Variants in KHDC4 observed in about 807,000 individuals in gnomAD.
KHDC4 encodes KH homology domain-containing protein 4.
Under a neutral mutation model 74.5 loss-of-function variants are expected in KHDC4, and 19 were observed. The observed-to-expected ratio is 0.26, with a 90% confidence interval of 0.18 to 0.37. The LOEUF is 0.37. Among genes scored for constraint, KHDC4 ranks in the 10% least tolerant of loss-of-function variants. The pLI is 1.00. For synonymous variants in KHDC4, 253 were observed against 266.1 expected, an observed-to-expected ratio of 0.95 and a Z score of 0.48; for missense variants, 632 against 754.1, an observed-to-expected ratio of 0.84 and a Z score of 1.90.
At chr1:155,927,265 A>C in intron 4 of KHDC4, 109 bp from the exon 5 acceptor site, 1 of 809,610 alleles carries the variant, frequency 1.2e-6, no homozygotes, top group Non-Finnish European at 2.1e-6. Flanking sequence ...AAATAACCAA[A>C]AGGGACTATA....
intron 2 of KHDC4, among the ~76,000 whole-genome samples, chr1:155,931,638 T>C (rs1674144538): frequency 6.6e-6 from 1 of 152,216 alleles, no homozygotes; most frequent in South Asian, 2.1e-4. Flanking sequence ...TTGCCCAGGC[T>C]GTTCTTGAAC....
At chr1:155,929,175 C>G (rs569776608) in intron 4 of KHDC4, 121 bp downstream of exon 4, 1 of 713,794 alleles carries the variant, frequency 1.4e-6, no homozygotes, top group East Asian at 2.5e-5. Context: ...AGTGTGCACA[C>G]ACATACCCCT....
Position 155,927,834 on chromosome 1 carries a change from ACACACACACACAC to A in KHDC4, c.465-691_465-679del, listed in dbSNP as rs1557970684. Among the ~76,000 whole-genome samples, 35 of 10,268 alleles carry A rather than the reference ACACACACACACAC, an allele frequency of 3.4e-3. 1 individual carries two copies. Among genetic ancestry groups the A allele is most frequent in the African/African-American group, 7.2e-3 (34 of 4,706 alleles). 6.7% of individuals were successfully genotyped at this position (10,268 alleles called of 152,430 possible). A position where few individuals can be genotyped will look rare whatever the true frequency, so the allele number is the denominator to read the frequency against. The stretch of plus-strand genomic sequence containing the variant: ...AAAAAAAAAAAAAAAAAAAAAAACC[ACACACACACACAC>A]ACACACACACACACACACACACACA... On this transcript the variant is annotated intron_variant, in intron 4 of 13. Transcript: ENST00000368321.
intron 10 of KHDC4, among the ~76,000 whole-genome samples, chr1:155,918,754 G>C (rs763915822): frequency 3.3e-5 from 5 of 152,132 alleles, no homozygotes; most frequent in Admixed American, 2.6e-4. Context: ...TGACTAAAAC[G>C]TTGTAAGGTG....
intron 7 of KHDC4, among the ~76,000 whole-genome samples, chr1:155,924,133 C>T (rs553024615): frequency 1.1e-4 from 16 of 152,122 alleles, no homozygotes; most frequent in Admixed American, 2.6e-4. Context: ...CTGGCTAACA[C>T]GGTGAAACCC....
rs199711249 is a variant in KHDC4 at position 155,927,832 on chromosome 1, CCACA to C, written c.465-680_465-677del. Among the ~76,000 whole-genome samples the C allele has an allele frequency of 8.5e-3, 777 of 90,916 alleles. 16 individuals are homozygous for C. The highest frequency in any genetic ancestry group is 0.027 in the African/African-American group (526 of 19,214). The allele number at this position is 90,916 out of a possible 152,430, so 59.6% of individuals were successfully genotyped here. On this transcript the variant is annotated intron_variant, in intron 4 of 13. Transcript: ENST00000368321. ...AAAAAAAAAAAAAAAAAAAAAAAAA[CCACA>C]CACACACACACACACACACACACAC...
chr1:155,920,814 A>G (rs188683461), intron 10 of KHDC4, among the ~76,000 whole-genome samples: 52 of 152,298 alleles, frequency 3.4e-4, no homozygotes, highest in African/African-American at 1.1e-3. Flanking sequence ...GTTTCCTTCT[A>G]AGATTTGAAA....
At position 155,916,686 on chromosome 1, in the gene KHDC4, C is replaced by T. The variant is rs1673739152; in HGVS notation, c.1492G>A (p.Glu498Lys). Residue 498 changes from glutamate to lysine, a missense_variant, in exon 12 of 14, where the codon GAG (glutamate) becomes AAG (lysine). Glu to Lys is a moderately conservative substitution (Grantham distance 56, BLOSUM62 1). Transcript: ENST00000368321. Reference protein sequence around the residue: ...NLGTGFSSQNEIEGAGSKPAS... With the variant: ...NLGTGFSSQNKIEGAGSKPAS... ...GGCTTCGATCCTGCACCTTCAATCTCATTCTGACTGGAGAAGCCTGTACCT... is the reference window on the plus strand; with the variant it reads ...GGCTTCGATCCTGCACCTTCAATCTTATTCTGACTGGAGAAGCCTGTACCT... 3 of 1,614,048 alleles carry T rather than the reference C, an allele frequency of 1.9e-6. No individual in the cohort carries two copies. The highest frequency in any genetic ancestry group is 2.2e-5 in the East Asian group (1 of 44,864).
intron 4 of KHDC4, among the ~76,000 whole-genome samples, chr1:155,927,875 A>ACACACACACACACACACAC (rs1557970782): frequency 1.4e-5 from 1 of 71,622 alleles, no homozygotes; most frequent in African/African-American, 5.2e-5. Flanking sequence ...CACACACACA[A>ACACACACACACACACACAC]AATTAATGGG....
At chr1:155,916,298 A>C (rs1441418889) in intron 12 of KHDC4, among the ~76,000 whole-genome samples, 2 of 152,202 alleles carry the variant, frequency 1.3e-5, no homozygotes, top group Non-Finnish European at 2.9e-5. Context: ...TATTCTAATG[A>C]CTCTAAAGTA....
rs1226789988 is a variant in KHDC4 at position 155,925,652 on chromosome 1, T to C, written c.873A>G (p.Glu291=). ...IEPASGREAF[E]PMYIYISHPK... ...CATACCTGATGTAAATATACATAGG[T>C]TCAAAAGCTTCTCGGCCAGATGCTG... The change falls in exon 7 of 14, where the codon GAA becomes GAG. Residue 291 remains glutamate (E), a synonymous_variant. Coordinates refer to ENST00000368321, the MANE Select transcript of KHDC4 (RefSeq NM_014949.4). The C allele has an allele frequency of 6.2e-7, 1 of 1,613,980 alleles. No individual in the cohort carries two copies. Among genetic ancestry groups the C allele is most frequent in the Non-Finnish European group, 8.5e-7 (1 of 1,180,008 alleles).
intron 7 of KHDC4, among the ~76,000 whole-genome samples, chr1:155,924,654 A>C (rs557101575): frequency 6.7e-6 from 1 of 148,954 alleles, no homozygotes; most frequent in Admixed American, 6.7e-5. Context: ...GCTCACTGCA[A>C]CCTCCGCCTC....
At chr1:155,928,816 G>A (rs1000323098) in intron 4 of KHDC4, among the ~76,000 whole-genome samples, 2 of 151,976 alleles carry the variant, frequency 1.3e-5, no homozygotes, top group East Asian at 1.9e-4. Context: ...GCCAGGCGTG[G>A]TGGCAGGTGC....
At position 155,921,388 on chromosome 1, in the gene KHDC4, G is replaced by C. The variant is rs750000844; in HGVS notation, c.1253C>G (p.Ala418Gly). ...CTGACATCCTACCTGTCCAGTGCTA[G>C]CTGGAGGCTGCACTTGTGTTATCGG... is the stretch of plus-strand genomic sequence containing the variant. ...QYPITQVQPP[A>G]STGQSPMGGP... Residue 418 changes from alanine to glycine, a missense_variant, in exon 10 of 14, where the codon GCT (alanine) becomes GGT (glycine). By Grantham distance (60) the Ala-to-Gly change is moderately conservative. This residue lies in a region of KHDC4 where 254 missense variants were observed against 267.4 expected (regional missense o/e 0.95). Transcript: ENST00000368321. The C allele has an allele frequency of 6.2e-7, 1 of 1,614,054 alleles. No individual in the cohort carries two copies. Among genetic ancestry groups the C allele is most frequent in the South Asian group, 1.1e-5 (1 of 91,078 alleles).
intron 2 of KHDC4, among the ~76,000 whole-genome samples, chr1:155,933,164 C>G (rs1557972462): frequency 6.6e-6 from 1 of 152,168 alleles, no homozygotes; most frequent in Non-Finnish European, 1.5e-5. Context: ...ATCAAAAACG[C>G]CTCGTAAATA....
In KHDC4 at chr1:155,934,376, C is replaced by G; in HGVS notation, c.-3G>C. 1 of 1,611,796 alleles carries G rather than the reference C, an allele frequency of 6.2e-7. No homozygotes were observed. The highest frequency in any genetic ancestry group is 8.5e-7 in the Non-Finnish European group (1 of 1,179,876). ...TGTGTCGCGCTCCCCGCGGACATGGCGACCGCTTCTACTCAACCACCCGCC... is the reference window on the plus strand; with the variant it reads ...TGTGTCGCGCTCCCCGCGGACATGGGGACCGCTTCTACTCAACCACCCGCC... On this transcript the variant is annotated 5_prime_UTR_variant, in exon 1 of 14. Coordinates refer to ENST00000368321, the MANE Select transcript of KHDC4 (RefSeq NM_014949.4).
At chr1:155,928,352 C>T (rs963687694) in intron 4 of KHDC4, among the ~76,000 whole-genome samples, 1 of 151,898 alleles carries the variant, frequency 6.6e-6, no homozygotes, top group African/African-American at 2.4e-5. Flanking sequence ...CCAGCCTGGG[C>T]AACAAGAGCA....
intron 2 of KHDC4, among the ~76,000 whole-genome samples, chr1:155,930,865 T>A (rs1031679508): frequency 3.9e-5 from 6 of 152,066 alleles, no homozygotes; most frequent in African/African-American, 1.4e-4. Flanking sequence ...ACATACAAAA[T>A]TAGCCAGGTG....
rs1673758821 is a variant in KHDC4, at chr1:155,917,583, T to TGGGGGC, written c.1350_1355dup (p.Pro451_Pro452dup). 9 of 402,420 alleles carry TGGGGGC rather than the reference T, an allele frequency of 2.2e-5. No individual in the cohort carries two copies. Among genetic ancestry groups the TGGGGGC allele is most frequent in the African/African-American group, 1.2e-4 (2 of 17,010 alleles). The allele number at this position is 402,420 out of a possible 1,614,324, so 24.9% of individuals were successfully genotyped here. ...TCTGTGCCTGGGGCTGACTTGGGAGTGGGGGCTGGGGCTGGGGCTGGGGCT... is the reference window on the plus strand; with the variant it reads ...TCTGTGCCTGGGGCTGACTTGGGAGTGGGGGCGGGGGCTGGGGCTGGGGCTGGGGCT... On this transcript the variant is annotated inframe_insertion, in exon 11 of 14. Transcript: ENST00000368321.
Sources: allele counts gnomAD v4.1 joint callset (sites outside exome capture counted in the v4.1 genomes callset), GRCh38; gene constraint gnomAD v4.1.1; regional missense constraint gnomAD v4.1.1; transcripts MANE v1.5; gene names NCBI Gene and HGNC (gene_info 2026-07-23, HGNC 2026-07-21).